The following STK39 variants were observed in gnomAD, a reference collection of about 807,000 sequenced individuals.
STK39 encodes the protein STE20/SPS1-related proline-alanine-rich protein kinase.
STK39 carries 20 observed loss-of-function variants against 77.8 expected under a neutral mutation model. That is an observed-to-expected ratio of 0.26 (90% CI 0.18 to 0.37). The LOEUF (loss-of-function observed/expected upper bound fraction) is 0.37. Among genes scored for constraint, STK39 ranks in the 10% least tolerant of loss-of-function variants. The pLI is 1.00. For synonymous variants in STK39, 246 were observed against 234.1 expected, an observed-to-expected ratio of 1.05 and a Z score of -0.47; for missense variants, 479 against 656.5, an observed-to-expected ratio of 0.73 and a Z score of 2.95.
intron 1 of STK39, among the ~76,000 whole-genome samples, chr2:168,241,034 C>T (rs1295629845): frequency 6.6e-6 from 1 of 152,160 alleles, no homozygotes; most frequent in African/African-American, 2.4e-5. Context: ...CTGCAGTGGG[C>T]TGAGAGGGAA....
At chr2:168,179,708 C>G (rs1369481700) in intron 2 of STK39, among the ~76,000 whole-genome samples, 1 of 152,182 alleles carries the variant, frequency 6.6e-6, no homozygotes, top group Non-Finnish European at 1.5e-5. Flanking sequence ...CTTAGATAGA[C>G]AGCTCTACCT....
At chr2:168,214,166 C>T (rs1182492781) in intron 1 of STK39, among the ~76,000 whole-genome samples, 1 of 151,914 alleles carries the variant, frequency 6.6e-6, no homozygotes, top group Non-Finnish European at 1.5e-5. Flanking sequence ...AGCCTCAAGC[C>T]TCATCTGCAG....
rs567631434 is a variant in STK39, at chr2:168,069,172, C to G, written c.1243-3791G>C. 3.9e-5 allele frequency among the ~76,000 whole-genome samples: 6 copies of G among 152,276 alleles called. No homozygotes were observed. The East Asian group carries it at 1.2e-3, about 29-fold the overall frequency. On this transcript the variant is annotated intron_variant, in intron 12 of 17. Coordinates refer to ENST00000355999, the MANE Select transcript of STK39 (RefSeq NM_013233.3). Reference sequence around the variant, plus strand: ...GCCTCAGGTGATCCACCCGCCTCAGCCTCCAAGTGCTGGGATTACAGGCAT... The same window carrying G: ...GCCTCAGGTGATCCACCCGCCTCAGGCTCCAAGTGCTGGGATTACAGGCAT...
intron 1 of STK39, among the ~76,000 whole-genome samples, 192 bp from the exon 2 acceptor site, chr2:168,182,282 G>C (rs905278974): frequency 2.0e-5 from 3 of 151,884 alleles, no homozygotes; most frequent in Admixed American, 2.0e-4. Flanking sequence ...AAAAAAAACT[G>C]CATTTTCCAG....
chr2:168,074,930 C>T, intron 12 of STK39, 52 bp downstream of exon 12: 3 of 1,597,446 alleles, frequency 1.9e-6, no homozygotes, highest in Non-Finnish European at 1.7e-6. Context: ...GACTCTGATA[C>T]CACAAGAAAG....
chr2:168,152,736 A>G (rs1688322692), intron 5 of STK39, among the ~76,000 whole-genome samples: 3 of 152,230 alleles, frequency 2.0e-5, no homozygotes, highest in Non-Finnish European at 1.5e-5. Context: ...TATATTATAC[A>G]GGTATTATTG....
At chr2:168,061,337 AG>A (rs1210547633) in intron 14 of STK39, among the ~76,000 whole-genome samples, 1 of 152,202 alleles carries the variant, frequency 6.6e-6, no homozygotes, top group African/African-American at 2.4e-5. Context: ...TACATACAAA[AG>A]GAACACAAAA....
chr2:168,162,377 A>C (rs1208130205), intron 4 of STK39, among the ~76,000 whole-genome samples: 1 of 151,968 alleles, frequency 6.6e-6, no homozygotes, highest in Non-Finnish European at 1.5e-5. Context: ...TTTAGAAAGA[A>C]ATATTTTCTA....
At chr2:168,018,590 G>T (rs964816540) in intron 14 of STK39, among the ~76,000 whole-genome samples, 3 of 148,516 alleles carry the variant, frequency 2.0e-5, no homozygotes, top group African/African-American at 7.4e-5. Context: ...AAGAAAGAAA[G>T]AAAGAAAGAA....
intron 17 of STK39, among the ~76,000 whole-genome samples, chr2:167,962,146 A>T (rs1451875937): frequency 2.6e-5 from 4 of 152,198 alleles, no homozygotes; most frequent in African/African-American, 9.6e-5. Flanking sequence ...TTCCTTTAAA[A>T]AGTAATGAAA....
At chr2:168,219,840 C>G (rs563057262) in intron 1 of STK39, among the ~76,000 whole-genome samples, 1 of 150,908 alleles carries the variant, frequency 6.6e-6, no homozygotes, top group East Asian at 1.9e-4. Flanking sequence ...AAAAAGGAGA[C>G]GTCAAGTTCC....
chr2:168,184,031 G>A (rs1689146241), intron 1 of STK39, among the ~76,000 whole-genome samples: 1 of 152,138 alleles, frequency 6.6e-6, no homozygotes, highest in Non-Finnish European at 1.5e-5. Context: ...AGCTCTACCT[G>A]CAATAAATCT....
chr2:168,184,647 C>CT (rs11393597), intron 1 of STK39, among the ~76,000 whole-genome samples: 48,934 of 151,914 alleles, frequency 0.32, 8,147 homozygotes, highest in East Asian at 0.46. Flanking sequence ...CCTTATCTAC[C>CT]ATTCTGTGCA....
chr2:168,185,401 T>A (rs1414032138), intron 1 of STK39, among the ~76,000 whole-genome samples: 1 of 152,230 alleles, frequency 6.6e-6, no homozygotes, highest in Non-Finnish European at 1.5e-5. Flanking sequence ...TAAGAACAGC[T>A]ACTTGGAAGT....
At chr2:168,122,023 T>C (rs539659652) in intron 10 of STK39, among the ~76,000 whole-genome samples, 1 of 152,330 alleles carries the variant, frequency 6.6e-6, no homozygotes, top group African/African-American at 2.4e-5. Flanking sequence ...GTTTGTATTG[T>C]TTTGGTTTTT....
At chr2:168,168,764 G>A (rs953182762) in intron 2 of STK39, among the ~76,000 whole-genome samples, 1 of 152,214 alleles carries the variant, frequency 6.6e-6, no homozygotes, top group Non-Finnish European at 1.5e-5. Context: ...GCCGCAGCAG[G>A]CGGATCACCC....
At chr2:168,135,973 C>T (rs540376142) in intron 8 of STK39, among the ~76,000 whole-genome samples, 13 of 135,510 alleles carry the variant, frequency 9.6e-5, no homozygotes, top group East Asian at 2.1e-4. Flanking sequence ...TGTTATATGA[C>T]GCTCTTCTAA....
intron 17 of STK39, among the ~76,000 whole-genome samples, chr2:167,959,948 G>T (rs1220274661): frequency 6.6e-6 from 1 of 152,168 alleles, no homozygotes; most frequent in Non-Finnish European, 1.5e-5. Flanking sequence ...GGGTCTCAGG[G>T]AAACTCAGAA....
intron 12 of STK39, among the ~76,000 whole-genome samples, chr2:168,073,593 C>T (rs933308691): frequency 4.6e-5 from 7 of 152,122 alleles, no homozygotes; most frequent in African/African-American, 1.7e-4. Flanking sequence ...ATCACCCCTG[C>T]TCCTAACAAA....
Sources: gnomAD v4.1 joint callset for allele counts (sites outside exome capture counted in the v4.1 genomes callset) on GRCh38, gnomAD v4.1.1 for gene constraint, MANE v1.5 for transcripts, NCBI Gene and HGNC (gene_info 2026-07-23, HGNC 2026-07-21) for gene names.